Variants in ERCC5 observed in about 807,000 individuals in gnomAD.
ERCC5 encodes the protein DNA excision repair protein ERCC-5.
ERCC5 carries 68 observed loss-of-function variants against 105.6 expected under a neutral mutation model. The observed-to-expected ratio is 0.64, with a 90% CI of 0.53 to 0.79. ERCC5 has a LOEUF of 0.79. ERCC5 is among the 30% of genes least tolerant of loss of function. ERCC5 has a pLI of 0.00. For missense variants in ERCC5, 1,373 were observed against 1,426.7 expected (o/e 0.96, Z 0.61); for synonymous variants, 546 against 526.2 (o/e 1.04, Z -0.51).
chr13:102,868,183 T>A lies in ERCC5; in HGVS notation c.2604T>A (p.Thr868=), dbSNP rs1847952748. Reference sequence around the variant, plus strand: ...GTGATTATACCGAAGGAATACCAACTGTGGGTTGTGTAACCGCCATGGAAA... The same window carrying A: ...GTGATTATACCGAAGGAATACCAACAGTGGGTTGTGTAACCGCCATGGAAA... ...LGSDYTEGIP[T]VGCVTAMEIL... Residue 868 remains threonine (T), a synonymous_variant, in exon 12 of 15, where the codon ACT becomes ACA. Coordinates refer to ENST00000652225, the MANE Select transcript of ERCC5 (RefSeq NM_000123.4). The A allele has an allele frequency of 1.2e-6, 2 of 1,614,214 alleles. No homozygotes were observed. Among genetic ancestry groups the A allele is most frequent in the Non-Finnish European group, 1.7e-6 (2 of 1,180,020 alleles).
intron 4 of ERCC5, among the ~76,000 whole-genome samples, chr13:102,855,814 G>A (rs914012077): frequency 3.3e-5 from 5 of 152,124 alleles, no homozygotes; most frequent in African/African-American, 1.2e-4. Context: ...ATTGGGTGAG[G>A]TGACTCCCTA....
Position 102,862,715 on chromosome 13 carries a change from G to A in ERCC5, c.1566G>A (p.Leu522=), listed in dbSNP as rs2140528153. The A allele has an allele frequency of 6.2e-7, 1 of 1,614,218 alleles. No homozygotes were observed. Among genetic ancestry groups the A allele is most frequent in the Non-Finnish European group, 8.5e-7 (1 of 1,180,042 alleles). Residue 522 remains leucine, a synonymous_variant, in exon 8 of 15, where the codon CTG becomes CTA. Coordinates refer to ENST00000652225, the MANE Select transcript of ERCC5 (RefSeq NM_000123.4). Reference sequence around the variant, plus strand: ...CTGGGCTCCCGAATGGAAGGGAACTGACACCGGCATCTCCAACTTGTACAA... The same window carrying A: ...CTGGGCTCCCGAATGGAAGGGAACTAACACCGGCATCTCCAACTTGTACAA... ...DAPGLPNGRE[L]TPASPTCTNS...
intron 6 of ERCC5, 21 bp from the exon 7 acceptor site, chr13:102,861,486 G>GT: frequency 1.2e-6 from 2 of 1,612,586 alleles, no homozygotes; most frequent in Non-Finnish European, 1.7e-6. Flanking sequence ...CAGTAATTTT[G>GT]TTTGTTTATT....
In ERCC5 at chr13:102,862,183, T is replaced by C. The variant is rs751927898; in HGVS notation, c.1034T>C (p.Leu345Ser). 9 of 1,614,184 alleles carry C rather than the reference T, an allele frequency of 5.6e-6. No homozygotes were observed. In the East Asian group the frequency reaches 1.1e-4, roughly 20 times the overall value. ...PDATPPSPRT[L>S]LAMQAALLGS... ...GCTACCCCTCCTTCTCCAAGAACTT[T>C]ACTAGCTATGCAAGCTGCCCTGCTG... Residue 345 changes from leucine to serine, a missense_variant, in exon 8 of 15, where the codon TTA (leucine) becomes TCA (serine). This residue lies in a region of ERCC5 where 1,004 missense variants were observed against 1,059.7 expected (regional missense o/e 0.95). Transcript: ENST00000652225.
rs1053463144 is a variant in ERCC5, at chr13:102,853,621, G to A, written c.265-136G>A. ...GCAACCTGAAGATATACACTGATAT[G>A]GCAATTAGGAGGAAATGCTAAAGCA... On this transcript the variant is annotated intron_variant, in intron 2 of 14. Transcript: ENST00000652225. The A allele has an allele frequency of 2.4e-5, 20 of 823,708 alleles. No homozygotes were observed. In the Middle Eastern group the frequency reaches 7.1e-4, roughly 29 times the overall value. 51.0% of individuals were successfully genotyped at this position (823,708 alleles called of 1,614,324 possible). A position where few individuals can be genotyped will look rare whatever the true frequency, so the allele number is the denominator to read the frequency against.
chr13:102,869,168 G>A (rs553358068), intron 12 of ERCC5, among the ~76,000 whole-genome samples: 2 of 152,292 alleles, frequency 1.3e-5, no homozygotes, highest in Non-Finnish European at 2.9e-5. Context: ...TCACTGAAAT[G>A]AACGGCGAAA....
At chr13:102,850,093 T>C (rs1411579431) in intron 1 of ERCC5, among the ~76,000 whole-genome samples, 1 of 152,038 alleles carries the variant, frequency 6.6e-6, no homozygotes, top group Non-Finnish European at 1.5e-5. Flanking sequence ...GCCTGGCTAA[T>C]TTTTGTATTT....
At chr13:102,856,581 G>A (rs182997635) in intron 5 of ERCC5, among the ~76,000 whole-genome samples, 1 of 152,244 alleles carries the variant, frequency 6.6e-6, no homozygotes, top group East Asian at 1.9e-4. Flanking sequence ...GTTATCTGTC[G>A]CTGTGTAACT....
chr13:102,862,110 G>A lies in ERCC5; in HGVS notation c.961G>A (p.Val321Met), dbSNP rs756778477. ...CAAAATGCACGGCATGTCTTTTGACGTGAAGTCATCTCCATGTGAAAAACT... is the reference window on the plus strand; with the variant it reads ...CAAAATGCACGGCATGTCTTTTGACATGAAGTCATCTCCATGTGAAAAACT... Reference protein sequence around the residue: ...SSKMHGMSFDVKSSPCEKLKT... With the variant: ...SSKMHGMSFDMKSSPCEKLKT... Residue 321 changes from valine (V) to methionine (M), a missense_variant, in exon 8 of 15, where the codon GTG becomes ATG. By Grantham distance (21) the Val-to-Met change is conservative. Coordinates refer to ENST00000652225, the MANE Select transcript of ERCC5 (RefSeq NM_000123.4). 28 of 1,614,084 alleles carry A rather than the reference G, an allele frequency of 1.7e-5. No homozygotes were observed. Among genetic ancestry groups the A allele is most frequent in the East Asian group, 1.1e-4 (5 of 44,896 alleles).
chr13:102,854,465 T>C (rs1165738347), intron 4 of ERCC5, 91 bp downstream of exon 4: 2 of 1,304,226 alleles, frequency 1.5e-6, no homozygotes, highest in African/African-American at 1.5e-5. Context: ...TGATAAGGCA[T>C]GTGAACATTT....
intron 1 of ERCC5, among the ~76,000 whole-genome samples, chr13:102,847,474 C>T (rs542040671): frequency 1.3e-5 from 2 of 151,976 alleles, no homozygotes; most frequent in South Asian, 4.2e-4. Context: ...GGGCGTTCAG[C>T]AAAGGAATCC....
chr13:102,854,508 C>A, intron 4 of ERCC5, 134 bp downstream of exon 4: 1 of 845,158 alleles, frequency 1.2e-6, no homozygotes, highest in Non-Finnish European at 1.9e-6. Context: ...TGCTCTATAC[C>A]TTTCAGAATA....
At position 102,862,445 on chromosome 13, in the gene ERCC5, T is replaced by TAAAGTGAG. The variant is rs1373759416; in HGVS notation, c.1298_1305dup (p.Asp436LysfsTer2). On this transcript the variant is annotated frameshift_variant, in exon 8 of 15. Coordinates refer to ENST00000652225, the MANE Select transcript of ERCC5 (RefSeq NM_000123.4). LOFTEE classifies it high-confidence loss of function. ...CCACCGAGAACAGTGATGAAGGACT[T>TAAAGTGAG]AAAGTGAGAGATGGAAAAGGAATAC... The TAAAGTGAG allele has an allele frequency of 6.2e-7, 1 of 1,613,812 alleles. No homozygotes were observed. Among genetic ancestry groups the TAAAGTGAG allele is most frequent in the East Asian group, 2.2e-5 (1 of 44,876 alleles).
chr13:102,851,326 T>C (rs946686093), intron 1 of ERCC5, among the ~76,000 whole-genome samples: 13 of 152,166 alleles, frequency 8.5e-5, no homozygotes, highest in Non-Finnish European at 1.8e-4. Flanking sequence ...GACGGAGTCT[T>C]GCTCTGTCAC....
intron 1 of ERCC5, among the ~76,000 whole-genome samples, chr13:102,849,733 G>C (rs931576590): frequency 6.6e-6 from 1 of 152,166 alleles, no homozygotes; most frequent in African/African-American, 2.4e-5. Flanking sequence ...GAGCACACAG[G>C]CTGGGTTTTT....
At chr13:102,852,362 C>T (rs1442702260) in intron 2 of ERCC5, 69 bp downstream of exon 2, 4 of 1,575,736 alleles carry the variant, frequency 2.5e-6, no homozygotes, top group Middle Eastern at 1.8e-4. Flanking sequence ...GAAAAATTCA[C>T]ATAAAATTTT....
chr13:102,857,927 AT>A lies in ERCC5; in HGVS notation c.529-345del, dbSNP rs546756760. ...GCTTTATTTTACCATTATCTTGTTC[AT>A]TTATTTATTTATTTATTGTCTTCTC... On this transcript the variant is annotated intron_variant, in intron 5 of 14. Transcript: ENST00000652225. Among the ~76,000 whole-genome samples the A allele has an allele frequency of 9.2e-5, 14 of 151,936 alleles. No homozygotes were observed. In the East Asian group the frequency reaches 2.7e-3, roughly 29 times the overall value.
rs2140523396 is a variant in ERCC5, at chr13:102,858,434, G to A, written c.672+16G>A. ...AATGCCAGAGGTGAAATATGCAACA[G>A]TACATTCATGCTTAGAATTAAGAAC... On this transcript the variant is annotated intron_variant, in intron 6 of 14. Transcript: ENST00000652225. 1 of 1,613,996 alleles carries A rather than the reference G, an allele frequency of 6.2e-7. No individual in the cohort carries two copies. The highest frequency in any genetic ancestry group is 8.5e-7 in the Non-Finnish European group (1 of 1,179,948).
At position 102,854,428 on chromosome 13, in the gene ERCC5, C is replaced by T; in HGVS notation, c.467+54C>T. On this transcript the variant is annotated intron_variant, in intron 4 of 14. Transcript: ENST00000652225. ...TTTTAGTCATTGCTACATTCAGACA[C>T]ATTTAAACCTTGATGTGTTATCTAC... 5 of 1,547,258 alleles carry T rather than the reference C, an allele frequency of 3.2e-6. No individual in the cohort carries two copies. The Admixed American group carries it at 5.0e-5, about 16-fold the overall frequency.
Sources: gnomAD v4.1 joint callset for allele counts (sites outside exome capture counted in the v4.1 genomes callset) on GRCh38, gnomAD v4.1.1 for gene constraint, gnomAD v4.1.1 regional missense constraint, MANE v1.5 for transcripts, NCBI Gene and HGNC (gene_info 2026-07-23, HGNC 2026-07-21) for gene names.